The following RBM6 variants were observed in gnomAD, a reference collection of about 807,000 sequenced individuals.
RBM6 encodes the protein RNA-binding protein 6.
A neutral mutation model predicts 140.4 loss-of-function variants in RBM6; 23 were observed. That is an observed-to-expected ratio of 0.16 (90% CI 0.12 to 0.23). RBM6 has a LOEUF of 0.23. Among genes scored for constraint, RBM6 ranks in the 10% least tolerant of loss-of-function variants. The probability of loss-of-function intolerance (pLI) is 1.00; values close to 1 mark genes in which losing one functional copy is unlikely to be tolerated. For missense variants in RBM6, 1,139 were observed against 1,386.7 expected (o/e 0.82, Z 2.84); for synonymous variants, 439 against 475.6 (o/e 0.92, Z 1.00).
intron 8 of RBM6, among the ~76,000 whole-genome samples, chr3:50,057,224 A>G (rs977491084): frequency 6.6e-6 from 1 of 152,218 alleles, no homozygotes; most frequent in African/African-American, 2.4e-5. Flanking sequence ...GTCCTGTCTC[A>G]GCTTCACTTA....
intron 12 of RBM6, 59 bp downstream of exon 12, chr3:50,061,057 T>A: frequency 1.2e-6 from 2 of 1,605,750 alleles, no homozygotes; most frequent in Non-Finnish European, 1.7e-6. Flanking sequence ...ATAAGGGTGA[T>A]CTTGAATTTT....
chr3:49,962,700 T>A lies in RBM6; in HGVS notation c.44+15T>A. The A allele has an allele frequency of 6.4e-7, 1 of 1,561,540 alleles. No individual in the cohort carries two copies. Among genetic ancestry groups the A allele is most frequent in the Non-Finnish European group, 8.6e-7 (1 of 1,159,430 alleles). On this transcript the variant is annotated intron_variant, in intron 2 of 20. Transcript: ENST00000266022. ...GGACCTTTTCGGTAAGTTCTCAAAT[T>A]TGAATATTGAAATTGCCAGTATTTT...
At chr3:49,951,527 G>A (rs1023117556) in intron 1 of RBM6, among the ~76,000 whole-genome samples, 4 of 151,688 alleles carry the variant, frequency 2.6e-5, no homozygotes, top group African/African-American at 9.7e-5. Context: ...GGGCCACTGT[G>A]CCTGGCCTTT....
intron 6 of RBM6, among the ~76,000 whole-genome samples, chr3:50,008,992 C>T (rs1045167834): frequency 3.3e-5 from 5 of 152,124 alleles, no homozygotes; most frequent in African/African-American, 1.2e-4. Context: ...GTGGTAAGTG[C>T]TCTGTAGTAA....
chr3:50,044,644 A>T (rs1298651741), intron 6 of RBM6, among the ~76,000 whole-genome samples: 1 of 152,148 alleles, frequency 6.6e-6, no homozygotes, highest in Non-Finnish European at 1.5e-5. Flanking sequence ...CCATTCATTA[A>T]TCTAACTCCC....
intron 17 of RBM6, among the ~76,000 whole-genome samples, chr3:50,067,661 C>T (rs1435686799): frequency 2.0e-5 from 3 of 152,194 alleles, no homozygotes; most frequent in Admixed American, 6.5e-5. Flanking sequence ...TGGTCTTCCC[C>T]TGTAGTATTC....
At chr3:50,062,268 G>T (rs1303685966) in intron 15 of RBM6, among the ~76,000 whole-genome samples, 160 bp downstream of exon 15, 1 of 152,152 alleles carries the variant, frequency 6.6e-6, no homozygotes, top group Non-Finnish European at 1.5e-5. Context: ...ACTTTGGGAG[G>T]CCAAGGCGGG....
chr3:49,969,265 C>T (rs567682001), intron 3 of RBM6, among the ~76,000 whole-genome samples: 41 of 149,048 alleles, frequency 2.8e-4, no homozygotes, highest in Non-Finnish European at 4.6e-4. Flanking sequence ...CCTCGTGATC[C>T]GCCCACCTCG....
At chr3:50,069,803 G>A (rs542862050) in intron 18 of RBM6, among the ~76,000 whole-genome samples, 17 of 152,312 alleles carry the variant, frequency 1.1e-4, no homozygotes, top group African/African-American at 3.8e-4. Flanking sequence ...TTTCCTTAGA[G>A]TTGTCTACTA....
At chr3:50,030,286 TA>T (rs57797585) in intron 6 of RBM6, among the ~76,000 whole-genome samples, 2,705 of 103,776 alleles carry the variant, frequency 0.026, 63 homozygotes, top group African/African-American at 0.064. Context: ...CTTTTTGTCT[TA>T]AAAAAAAAAA....
chr3:49,984,624 TCG>T (rs1553643622), intron 5 of RBM6, among the ~76,000 whole-genome samples: 10 of 40,550 alleles, frequency 2.5e-4, no homozygotes, highest in Middle Eastern at 0.021. Flanking sequence ...TCGCATCGCA[TCG>T]CATCGCATCG....
chr3:49,984,051 G>A (rs1006271682), intron 5 of RBM6, among the ~76,000 whole-genome samples: 3 of 152,120 alleles, frequency 2.0e-5, no homozygotes, highest in Non-Finnish European at 4.4e-5. Context: ...CAGCACTTTG[G>A]AACGCCAAGG....
chr3:49,967,715 G>T lies in RBM6; in HGVS notation c.290G>T (p.Gly97Val), dbSNP rs1307862288. 2 of 1,614,006 alleles carry T rather than the reference G, an allele frequency of 1.2e-6. No individual in the cohort carries two copies. The highest frequency in any genetic ancestry group is 1.3e-5 in the African/African-American group (1 of 74,910). The change falls in exon 3 of 21, where the codon GGG (glycine) becomes GTG (valine). Residue 97 changes from glycine (G) to valine (V), a missense_variant. Around this residue, in one of 9 missense-constraint regions of RBM6, gnomAD observed 566 missense variants for 612.7 expected, o/e 0.92. Coordinates refer to ENST00000266022, the MANE Select transcript of RBM6 (RefSeq NM_005777.3). This position sits in a 1 kb window ranked among gnomAD's most constrained non-coding sequence, Gnocchi z 4.0. ...GGEGPGHDFR[G>V]GDFSSSDFQS... ...GAGGGACCTGGACATGATTTCAGGG[G>T]GGGAGATTTTTCGTCTTCTGATTTC...
chr3:50,064,827 C>T (rs558881939), intron 15 of RBM6, among the ~76,000 whole-genome samples: 1 of 152,258 alleles, frequency 6.6e-6, no homozygotes, highest in Admixed American at 6.5e-5. Flanking sequence ...TGCCCGCCAC[C>T]ACGCCCAGCT....
intron 6 of RBM6, among the ~76,000 whole-genome samples, chr3:50,037,577 G>C (rs1435030073): frequency 6.6e-6 from 1 of 152,180 alleles, no homozygotes; most frequent in East Asian, 1.9e-4. Context: ...AGATACCTTT[G>C]AGGAAGCTCA....
intron 5 of RBM6, 87 bp downstream of exon 5, chr3:49,975,479 A>G: frequency 1.7e-6 from 2 of 1,157,870 alleles, no homozygotes; most frequent in Non-Finnish European, 2.5e-6. Context: ...ATTTGTTTCA[A>G]GAAACCACAA....
intron 6 of RBM6, among the ~76,000 whole-genome samples, chr3:50,041,094 A>G (rs1371944935): frequency 6.6e-6 from 1 of 152,172 alleles, no homozygotes; most frequent in Non-Finnish European, 1.5e-5. Flanking sequence ...CATATAGTCT[A>G]AAACGTTTGC....
At chr3:50,070,660 T>A (rs1245455988) in intron 19 of RBM6, 108 bp downstream of exon 19, 5 of 798,844 alleles carry the variant, frequency 6.3e-6, no homozygotes, top group Admixed American at 2.2e-5. Context: ...ATATTATGAG[T>A]AGATTCTGTC....
chr3:50,000,250 C>T (rs1018214460), intron 6 of RBM6, among the ~76,000 whole-genome samples: 7 of 151,570 alleles, frequency 4.6e-5, no homozygotes, highest in Non-Finnish European at 1.0e-4. Flanking sequence ...TATGGTGCTT[C>T]CTTGGGGAAA....
Sources: gnomAD v4.1 joint callset for allele counts (sites outside exome capture counted in the v4.1 genomes callset) on GRCh38, gnomAD v4.1.1 for gene constraint, gnomAD v4.1.1 regional missense constraint, Gnocchi (gnomAD v3.1) non-coding constraint, MANE v1.5 for transcripts, NCBI Gene and HGNC (gene_info 2026-07-23, HGNC 2026-07-21) for gene names.